LARGE1: variants seen among roughly 807,000 people sequenced by gnomAD.
LARGE1 encodes LARGE xylosyl- and glucuronyltransferase 1.
A neutral mutation model predicts 87.6 loss-of-function variants in LARGE1; 43 were observed. The ratio of observed to expected loss-of-function variants is 0.49; its 90% confidence interval spans 0.38 to 0.63. The LOEUF (loss-of-function observed/expected upper bound fraction) is 0.63, where lower values mean the gene tolerates loss of function less well. Among genes scored for constraint, LARGE1 ranks in the 30% least tolerant of loss-of-function variants. The pLI is 0.00. For synonymous variants in LARGE1, 434 were observed against 394.6 expected, an observed-to-expected ratio of 1.10 and a Z score of -1.18; for missense variants, 802 against 1,000.2, an observed-to-expected ratio of 0.80 and a Z score of 2.67.
intron 6 of LARGE1, among the ~76,000 whole-genome samples, chr22:33,511,126 C>G (rs79950826): frequency 0.012 from 1,847 of 152,288 alleles, 22 homozygotes; most frequent in African/African-American, 0.032. Context: ...GCCAGACTTT[C>G]CTCCCATTTG....
chr22:33,215,456 A>G (rs1375184990), intron 11 of LARGE1, among the ~76,000 whole-genome samples: 2 of 152,198 alleles, frequency 1.3e-5, no homozygotes, highest in African/African-American at 4.8e-5. Flanking sequence ...TAGTTATTGT[A>G]TATACTAAAT....
intron 1 of LARGE1, among the ~76,000 whole-genome samples, chr22:33,889,451 T>C (rs771078668): frequency 4.6e-5 from 7 of 152,228 alleles, no homozygotes; most frequent in Non-Finnish European, 8.8e-5. Context: ...GCTGGAATAA[T>C]ACGTATCTGG....
At chr22:33,120,498 C>CTTCT in the LARGE1 span, among the ~76,000 whole-genome samples, 4 of 134,332 alleles carry the variant, frequency 3.0e-5, no homozygotes, top group South Asian at 2.4e-4. Flanking sequence ...CCTTTCTTTC[C>CTTCT]TTCTTTCTTT....
chr22:33,437,250 T>C (rs1446803192), intron 6 of LARGE1, among the ~76,000 whole-genome samples: 2 of 152,174 alleles, frequency 1.3e-5, no homozygotes, highest in Non-Finnish European at 2.9e-5. Flanking sequence ...GGTGTCTACA[T>C]TCACCTCATA....
At chr22:33,283,144 TC>T in intron 13 of LARGE1, 57 bp downstream of exon 13, 1 of 1,608,772 alleles carries the variant, frequency 6.2e-7, no homozygotes, top group Non-Finnish European at 8.5e-7. Flanking sequence ...CATCTGGGTT[TC>T]CCAGGAGAAA....
At chr22:33,872,602 A>G (rs1014103364) in intron 1 of LARGE1, among the ~76,000 whole-genome samples, 8 of 152,072 alleles carry the variant, frequency 5.3e-5, no homozygotes, top group African/African-American at 1.9e-4. Context: ...AGCAAGTCCC[A>G]TGGAATTTAC....
At chr22:33,911,440 T>C (rs2065634548) in intron 1 of LARGE1, among the ~76,000 whole-genome samples, 1 of 152,132 alleles carries the variant, frequency 6.6e-6, no homozygotes, top group Admixed American at 6.5e-5. Context: ...GACACCAATA[T>C]GGTCGAGGAG....
intron 5 of LARGE1, among the ~76,000 whole-genome samples, chr22:33,581,811 C>CAAAAAAA: frequency 1.3e-5 from 1 of 77,398 alleles, no homozygotes; most frequent in Non-Finnish European, 2.5e-5. Flanking sequence ...AACTCCGTCT[C>CAAAAAAA]AAAAAAAAAA....
intron 2 of LARGE1, chr22:33,744,123 T>C (rs1214540421): frequency 6.6e-6 from 1 of 152,200 alleles, no homozygotes; most frequent in African/African-American, 2.4e-5. Context: ...TTATTTGCAA[T>C]CACAGATCTG....
chr22:33,526,760 G>A lies in LARGE1; in HGVS notation c.787+38088C>T, dbSNP rs375152364. Among the ~76,000 whole-genome samples the A allele has an allele frequency of 2.0e-5, 3 of 152,176 alleles. No homozygotes were observed. The South Asian group carries it at 6.2e-4, about 32-fold the overall frequency. On this transcript the variant is annotated intron_variant, in intron 6 of 14. Transcript: ENST00000397394. ...GAGAAACTAAAACTTTCCATTTCCC[G>A]GACTTCCTTCTGTTCTCTTTGTACA... is the stretch of plus-strand genomic sequence containing the variant.
chr22:33,093,664 G>A, the LARGE1 span, among the ~76,000 whole-genome samples: 1 of 152,038 alleles, frequency 6.6e-6, no homozygotes, highest in Non-Finnish European at 1.5e-5. Context: ...TCAGGGATGA[G>A]ATGGAAGGGA....
At chr22:33,495,345 C>A (rs1474048726) in intron 6 of LARGE1, among the ~76,000 whole-genome samples, 1 of 152,186 alleles carries the variant, frequency 6.6e-6, no homozygotes, top group Non-Finnish European at 1.5e-5. Context: ...CCCTTGACTG[C>A]CTTGGTCGCC....
chr22:33,756,209 C>T (rs558968273), intron 2 of LARGE1, among the ~76,000 whole-genome samples: 3 of 152,218 alleles, frequency 2.0e-5, no homozygotes, highest in African/African-American at 4.8e-5. Context: ...CCTGTCAGTA[C>T]TCAAAGTCGG....
downstream of LARGE1, among the ~76,000 whole-genome samples, chr22:33,160,324 CT>C (rs1921981049): frequency 6.6e-6 from 1 of 152,174 alleles, no homozygotes; most frequent in Non-Finnish European, 1.5e-5. Flanking sequence ...GTCTGTGTAT[CT>C]GCATTCAGAA....
At chr22:33,071,063 G>A in the LARGE1 span, among the ~76,000 whole-genome samples, 2 of 152,170 alleles carry the variant, frequency 1.3e-5, no homozygotes, top group South Asian at 4.1e-4. Context: ...GAATGAGAAA[G>A]TAGTGAACGC....
At chr22:33,723,597 G>A (rs1426316045) in intron 2 of LARGE1, among the ~76,000 whole-genome samples, 4 of 152,126 alleles carry the variant, frequency 2.6e-5, no homozygotes, top group Non-Finnish European at 5.9e-5. Flanking sequence ...ACAAATCAAG[G>A]GAAAAGGGAC....
At chr22:33,324,967 C>T (rs1937113073) in intron 10 of LARGE1, among the ~76,000 whole-genome samples, 1 of 152,186 alleles carries the variant, frequency 6.6e-6, no homozygotes, top group African/African-American at 2.4e-5. Flanking sequence ...CACATCAACT[C>T]TACAGATCAA....
At chr22:33,559,035 T>C (rs1429072757) in intron 6 of LARGE1, among the ~76,000 whole-genome samples, 1 of 152,246 alleles carries the variant, frequency 6.6e-6, no homozygotes, top group African/African-American at 2.4e-5. Flanking sequence ...TGCTGTCTTA[T>C]TCAGTTTGAG....
chr22:33,821,595 A>G (rs1406026590), intron 1 of LARGE1, among the ~76,000 whole-genome samples: 1 of 152,178 alleles, frequency 6.6e-6, no homozygotes, highest in African/African-American at 2.4e-5. Flanking sequence ...AGCGTCTAAG[A>G]GCATGCCGAG....
Sources: gnomAD v4.1 joint callset for allele counts (sites outside exome capture counted in the v4.1 genomes callset) on GRCh38, gnomAD v4.1.1 for gene constraint, MANE v1.5 for transcripts, NCBI Gene and HGNC (gene_info 2026-07-23, HGNC 2026-07-21) for gene names.